Variants in ID4 observed in about 807,000 individuals in gnomAD.
ID4 encodes the protein DNA-binding protein inhibitor ID-4.
In ID4, 9 loss-of-function variants were observed where a neutral mutation model predicts 8.6. The ratio of observed to expected loss-of-function variants is 1.04; its 90% CI spans 0.63 to 1.82. The LOEUF (loss-of-function observed/expected upper bound fraction) is 1.82. Among genes scored for constraint, ID4 ranks in the 40% most tolerant of loss-of-function variants. ID4 has a pLI of 0.00. For synonymous variants in ID4, 180 were observed against 118.0 expected (o/e 1.53, Z -3.41); for missense variants, 270 against 235.1 (o/e 1.15, Z -0.97).
rs1240039260 is a variant in ID4, at chr6:19,837,602, G to A, written c.-153G>A. On this transcript the variant is annotated 5_prime_UTR_variant, in exon 1 of 3. Transcript: ENST00000378700. Reference sequence around the variant, plus strand: ...TCGTAAAACCCAGAGCGACCCTCCCGTCAATTGTTGGGCTCGGGAGTGTCG... The same window carrying A: ...TCGTAAAACCCAGAGCGACCCTCCCATCAATTGTTGGGCTCGGGAGTGTCG... The A allele has an allele frequency of 1.7e-5, 6 of 348,324 alleles. No homozygotes were observed. Among genetic ancestry groups the A allele is most frequent in the Non-Finnish European group, 2.6e-5 (6 of 229,966 alleles). The allele number at this position is 348,324 out of a possible 1,614,324, so 21.6% of individuals were successfully genotyped here.
Position 19,839,810 on chromosome 6 carries a change from A to G in ID4, c.*615A>G, listed in dbSNP as rs987355970. On this transcript the variant is annotated 3_prime_UTR_variant, in exon 3 of 3. Transcript: ENST00000378700. ...GTAATTATAAGATATTTTTAATTAA[A>G]TATTTTTTTGTAAATATTATGTGTG... 3 of 152,062 alleles carry G rather than the reference A, an allele frequency of 2.0e-5. No homozygotes were observed. The highest frequency in any genetic ancestry group is 1.3e-4 in the Admixed American group (2 of 15,276). The allele number at this position is 152,062 out of a possible 1,614,324, so 9.4% of individuals were successfully genotyped here.
chr6:19,840,861 G>A lies in ID4; in HGVS notation c.*1666G>A, dbSNP rs1027088918. Among the ~76,000 whole-genome samples, 4 of 152,148 alleles carry A rather than the reference G, an allele frequency of 2.6e-5. No homozygotes were observed. The highest frequency in any genetic ancestry group is 9.7e-5 in the African/African-American group (4 of 41,436). On this transcript the variant is annotated 3_prime_UTR_variant, in exon 3 of 3. Transcript: ENST00000378700. ...ACAAGTTAGATGGAATTTTTAGAGT[G>A]AAAGAATTAAGTAGGATTTAATTGG... is the stretch of plus-strand genomic sequence containing the variant.
intron 2 of ID4, 183 bp downstream of exon 2, chr6:19,838,825 C>T (rs1045244126): frequency 6.8e-6 from 4 of 592,448 alleles, no homozygotes; most frequent in South Asian, 2.0e-5. Flanking sequence ...AGCCTTAGAA[C>T]TCGAGGTTCA....
chr6:19,841,479 A>ACACACTTTACTGC lies in ID4; in HGVS notation c.*2284_*2285insCACACTTTACTGC, dbSNP rs1217350896. ...ATGCCTGACTGCTGAACCCTACCTAAGCCTTTTGGCGCAGTTTAAAACTTA... is the reference window on the plus strand; with the variant it reads ...ATGCCTGACTGCTGAACCCTACCTAACACACTTTACTGCGCCTTTTGGCGCAGTTTAAAACTTA... On this transcript the variant is annotated 3_prime_UTR_variant, in exon 3 of 3. Coordinates refer to ENST00000378700, the MANE Select transcript of ID4 (RefSeq NM_001546.4). Among the ~76,000 whole-genome samples, 1 of 152,164 alleles carries ACACACTTTACTGC rather than the reference A, an allele frequency of 6.6e-6. No individual in the cohort carries two copies. Among genetic ancestry groups the ACACACTTTACTGC allele is most frequent in the Non-Finnish European group, 1.5e-5 (1 of 68,022 alleles).
rs911643954 is a variant in ID4, at chr6:19,839,517, A to G, written c.*322A>G. ...CTTAAGTGTGACAGGACTGATAAAT[A>G]GAAGATCAAGAGTAGATCCGACTTT... is the stretch of plus-strand genomic sequence containing the variant. On this transcript the variant is annotated 3_prime_UTR_variant, in exon 3 of 3. Transcript: ENST00000378700. The G allele has an allele frequency of 3.9e-4, 60 of 152,644 alleles. 1 individual carries two copies. Among genetic ancestry groups the G allele is most frequent in the Admixed American group, 3.9e-3 (60 of 15,286 alleles). 9.5% of individuals were successfully genotyped at this position (152,644 alleles called of 1,614,324 possible).
In ID4 at chr6:19,839,750, A is replaced by G. The variant is rs775977936; in HGVS notation, c.*555A>G. 10 of 152,612 alleles carry G rather than the reference A, an allele frequency of 6.6e-5. No homozygotes were observed. Among genetic ancestry groups the G allele is most frequent in the Admixed American group, 3.3e-4 (5 of 15,288 alleles). 9.5% of individuals were successfully genotyped at this position (152,612 alleles called of 1,614,324 possible). A position where few individuals can be genotyped will look rare whatever the true frequency, so the allele number is the denominator to read the frequency against. On this transcript the variant is annotated 3_prime_UTR_variant, in exon 3 of 3. Transcript: ENST00000378700. ...TACCATGTATATATAGAGATGTTCT[A>G]TAAGTGTGAGAAAGTATATGCTTTA...
At chr6:19,838,876 C>G in intron 2 of ID4, 1 of 556,488 alleles carries the variant, frequency 1.8e-6, no homozygotes, top group Non-Finnish European at 3.2e-6. Context: ...CCGCCGTCCC[C>G]GTGTTTTTTC....
chr6:19,839,438 C>T lies in ID4; in HGVS notation c.*243C>T, dbSNP rs910105071. On this transcript the variant is annotated 3_prime_UTR_variant, in exon 3 of 3. Transcript: ENST00000378700. ...TTCTCTTTTGTCTCTTCATTTATAACTGCTGTGAATTGTACATTTCTGTGT... is the reference window on the plus strand; with the variant it reads ...TTCTCTTTTGTCTCTTCATTTATAATTGCTGTGAATTGTACATTTCTGTGT... The T allele has an allele frequency of 1.3e-5, 2 of 152,558 alleles. No individual in the cohort carries two copies. Among genetic ancestry groups the T allele is most frequent in the African/African-American group, 4.8e-5 (2 of 41,432 alleles). The allele number at this position is 152,558 out of a possible 1,614,324, so 9.5% of individuals were successfully genotyped here. A position where few individuals can be genotyped will look rare whatever the true frequency, so the allele number is the denominator to read the frequency against.
In ID4 at chr6:19,840,860, TGAAA is replaced by T. The variant is rs1381075107; in HGVS notation, c.*1669_*1672del. Among the ~76,000 whole-genome samples the T allele has an allele frequency of 1.3e-5, 2 of 152,166 alleles. No homozygotes were observed. Among genetic ancestry groups the T allele is most frequent in the Admixed American group, 6.5e-5 (1 of 15,280 alleles). On this transcript the variant is annotated 3_prime_UTR_variant, in exon 3 of 3. Transcript: ENST00000378700. ...CACAAGTTAGATGGAATTTTTAGAG[TGAAA>T]GAATTAAGTAGGATTTAATTGGGTG...
rs970897870 is a variant in ID4 at position 19,838,447 on chromosome 6, C to T, written c.442-137C>T. On this transcript the variant is annotated intron_variant, in intron 1 of 2. Transcript: ENST00000378700. ...TGGGCTGTCAAGTCCCGCCTGAGCC[C>T]GGAGGGGCCCCCCCGGCTACAGGCT... 1.8e-5 allele frequency: 22 copies of T among 1,244,642 alleles called. No individual in the cohort carries two copies. In the African/African-American group the frequency reaches 2.8e-4, roughly 16 times the overall value. 77.1% of individuals were successfully genotyped at this position (1,244,642 alleles called of 1,614,324 possible). A position where few individuals can be genotyped will look rare whatever the true frequency, so the allele number is the denominator to read the frequency against.
At position 19,840,516 on chromosome 6, in the gene ID4, G is replaced by A. The variant is rs1352922890; in HGVS notation, c.*1321G>A. 2 of 152,514 alleles carry A rather than the reference G, an allele frequency of 1.3e-5. No homozygotes were observed. The highest frequency in any genetic ancestry group is 6.5e-5 in the Admixed American group (1 of 15,272). 9.4% of individuals were successfully genotyped at this position (152,514 alleles called of 1,614,324 possible). ...AATCCTTCAAGCAGGGATAAAAGTC[G>A]ATCTTCAAACATTAACTTAAGCAGA... On this transcript the variant is annotated 3_prime_UTR_variant, in exon 3 of 3. Coordinates refer to ENST00000378700, the MANE Select transcript of ID4 (RefSeq NM_001546.4).
At position 19,840,625 on chromosome 6, in the gene ID4, A is replaced by G. The variant is rs1249004212; in HGVS notation, c.*1430A>G. Reference sequence around the variant, plus strand: ...GCTATGTTACGCTAAGCTACTGTCCAATCTCTTGTGATGTGTAACTTTTAC... The same window carrying G: ...GCTATGTTACGCTAAGCTACTGTCCGATCTCTTGTGATGTGTAACTTTTAC... On this transcript the variant is annotated 3_prime_UTR_variant, in exon 3 of 3. Transcript: ENST00000378700. 6.6e-6 allele frequency: 1 copy of G among 152,596 alleles called. No homozygotes were observed. Among genetic ancestry groups the G allele is most frequent in the Non-Finnish European group, 1.5e-5 (1 of 68,000 alleles). 9.5% of individuals were successfully genotyped at this position (152,596 alleles called of 1,614,324 possible).
rs1446782916 is a variant in ID4 at position 19,839,413 on chromosome 6, TTC to T, written c.*222_*223del. ...CGTTCATAAACATTCTACATACGTA[TTC>T]TCTTTTGTCTCTTCATTTATAACTG... On this transcript the variant is annotated 3_prime_UTR_variant, in exon 3 of 3. Transcript: ENST00000378700. The T allele has an allele frequency of 6.5e-6, 1 of 152,692 alleles. No individual in the cohort carries two copies. Among genetic ancestry groups the T allele is most frequent in the Non-Finnish European group, 1.5e-5 (1 of 68,054 alleles). The allele number at this position is 152,692 out of a possible 1,614,324, so 9.5% of individuals were successfully genotyped here.
chr6:19,838,798 C>T (rs1241745211), intron 2 of ID4, 156 bp downstream of exon 2: 5 of 628,814 alleles, frequency 8.0e-6, no homozygotes, highest in South Asian at 1.9e-5. Context: ...ACCTAAGTAG[C>T]AAGTAAACCC....
rs112245802 is a variant in ID4, at chr6:19,840,868, T to C, written c.*1673T>C. ...AGATGGAATTTTTAGAGTGAAAGAA[T>C]TAAGTAGGATTTAATTGGGTGCTTT... On this transcript the variant is annotated 3_prime_UTR_variant, in exon 3 of 3. Transcript: ENST00000378700. Among the ~76,000 whole-genome samples the C allele has an allele frequency of 3.9e-5, 6 of 152,228 alleles. No individual in the cohort carries two copies. Among genetic ancestry groups the C allele is most frequent in the South Asian group, 2.1e-4 (1 of 4,830 alleles).
chr6:19,837,795 C>T lies in ID4; in HGVS notation c.41C>T (p.Ala14Val). The T allele has an allele frequency of 5.3e-6, 6 of 1,128,820 alleles. No individual in the cohort carries two copies. Among genetic ancestry groups the T allele is most frequent in the Middle Eastern group, 7.6e-4 (2 of 2,632 alleles). The allele number at this position is 1,128,820 out of a possible 1,614,324, so 69.9% of individuals were successfully genotyped here. ...CCGGTGCGCCCCTCGGGCCGCAAGG[C>T]GCCGTCGGGCTGCGGCGGCGGGGAG... is the stretch of plus-strand genomic sequence containing the variant. ...VSPVRPSGRKAPSGCGGGELA... is the reference protein window; with the variant it reads ...VSPVRPSGRKVPSGCGGGELA... Residue 14 changes from alanine to valine, a missense_variant, in exon 1 of 3, where the codon GCG becomes GTG. Around this residue, in one of 3 missense-constraint regions of ID4, gnomAD observed 160 missense variants for 131.5 expected, o/e 1.22. Coordinates refer to ENST00000378700, the MANE Select transcript of ID4 (RefSeq NM_001546.4).
At chr6:19,838,276 A>G (rs1761271240) in intron 1 of ID4, 81 bp downstream of exon 1, 5 of 1,234,140 alleles carry the variant, frequency 4.1e-6, no homozygotes, top group African/African-American at 1.6e-5. Flanking sequence ...GCGGGCGCTC[A>G]CCGTCCTCCG....
In ID4 at chr6:19,839,742, G is replaced by C. The variant is rs1761318602; in HGVS notation, c.*547G>C. 1 of 152,392 alleles carries C rather than the reference G, an allele frequency of 6.6e-6. No homozygotes were observed. The highest frequency in any genetic ancestry group is 1.5e-5 in the Non-Finnish European group (1 of 68,004). The allele number at this position is 152,392 out of a possible 1,614,324, so 9.4% of individuals were successfully genotyped here. ...ACATTTCATACCATGTATATATAGA[G>C]ATGTTCTATAAGTGTGAGAAAGTAT... On this transcript the variant is annotated 3_prime_UTR_variant, in exon 3 of 3. Transcript: ENST00000378700.
rs1308396095 is a variant in ID4 at position 19,841,618 on chromosome 6, C to CT, written c.*2424dup. ...AAAAACTACTGAAAGAAGAAAAGTG[C>CT]TACAGATACTACATTTCAAAGAGTT... On this transcript the variant is annotated 3_prime_UTR_variant, in exon 3 of 3. Transcript: ENST00000378700. 6.6e-6 allele frequency among the ~76,000 whole-genome samples: 1 copy of CT among 152,142 alleles called. No individual in the cohort carries two copies. The highest frequency in any genetic ancestry group is 1.5e-5 in the Non-Finnish European group (1 of 68,008).
Sources: allele counts gnomAD v4.1 joint callset (sites outside exome capture counted in the v4.1 genomes callset), GRCh38; gene constraint gnomAD v4.1.1; regional missense constraint gnomAD v4.1.1; transcripts MANE v1.5; gene names NCBI Gene and HGNC (gene_info 2026-07-23, HGNC 2026-07-21).